The following CCSER1 variants were observed in gnomAD, a reference collection of about 807,000 sequenced individuals.
CCSER1 encodes the protein coiled-coil serine rich protein 1.
In CCSER1, 41 loss-of-function variants were observed where a neutral mutation model predicts 82.0. The observed-to-expected ratio is 0.50, with a 90% CI of 0.39 to 0.65. The LOEUF is 0.65. Among genes scored for constraint, CCSER1 ranks in the 30% least tolerant of loss-of-function variants. CCSER1 has a pLI of 0.00. For synonymous variants in CCSER1, 414 were observed against 383.9 expected (o/e 1.08, Z -0.92); for missense variants, 1,119 against 1,064.2 (o/e 1.05, Z -0.72).
chr4:90,796,647 A>G (rs562816606), intron 7 of CCSER1, among the ~76,000 whole-genome samples: 33 of 152,014 alleles, frequency 2.2e-4, no homozygotes, highest in Middle Eastern at 3.4e-3. Flanking sequence ...TCTTAACACC[A>G]CCTTATCTGT....
At chr4:91,059,455 T>TTATATATATATA (rs56706370) in intron 9 of CCSER1, among the ~76,000 whole-genome samples, 53 of 145,808 alleles carry the variant, frequency 3.6e-4, no homozygotes, top group Middle Eastern at 3.6e-3. Flanking sequence ...TTTATTAAGG[T>TTATATATATATA]TATATATATA....
intron 9 of CCSER1, among the ~76,000 whole-genome samples, chr4:90,972,763 A>G (rs1193990799): frequency 6.6e-6 from 1 of 151,736 alleles, no homozygotes; most frequent in Non-Finnish European, 1.5e-5. Flanking sequence ...CTCAAAATAT[A>G]TTATTAAAAT....
chr4:91,469,522 T>G (rs1052038760), intron 10 of CCSER1, among the ~76,000 whole-genome samples: 2 of 152,174 alleles, frequency 1.3e-5, no homozygotes, highest in African/African-American at 4.8e-5. Flanking sequence ...CCCCCTGTTA[T>G]CCTTCACATT....
At chr4:90,427,221 A>T (rs936864899) in intron 4 of CCSER1, among the ~76,000 whole-genome samples, 2 of 151,938 alleles carry the variant, frequency 1.3e-5, no homozygotes, top group African/African-American at 4.8e-5. Context: ...TTTGATTTGT[A>T]ACTAACATTG....
At chr4:90,188,291 TA>T (rs891353551) in intron 1 of CCSER1, among the ~76,000 whole-genome samples, 1 of 151,764 alleles carries the variant, frequency 6.6e-6, no homozygotes, top group Non-Finnish European at 1.5e-5. Context: ...AAGGATTTTT[TA>T]AAAAAATATA....
chr4:90,440,240 A>C (rs1162760887), intron 4 of CCSER1, among the ~76,000 whole-genome samples: 3 of 152,142 alleles, frequency 2.0e-5, no homozygotes, highest in African/African-American at 7.2e-5. Context: ...CCTGGGCTCA[A>C]GGAATCCTCC....
chr4:91,146,982 G>A (rs1280608790), intron 10 of CCSER1, among the ~76,000 whole-genome samples: 1 of 152,112 alleles, frequency 6.6e-6, no homozygotes, highest in Non-Finnish European at 1.5e-5. Flanking sequence ...TCAATTACTG[G>A]CACTGTGCTT....
intron 10 of CCSER1, among the ~76,000 whole-genome samples, chr4:91,191,404 T>C (rs888296528): frequency 3.3e-5 from 5 of 152,184 alleles, no homozygotes; most frequent in African/African-American, 9.6e-5. Flanking sequence ...ATATTGAACA[T>C]GTGTATACTT....
At chr4:91,480,273 G>A (rs1225944311) in intron 10 of CCSER1, among the ~76,000 whole-genome samples, 6 of 152,130 alleles carry the variant, frequency 3.9e-5, no homozygotes, top group Admixed American at 1.3e-4. Flanking sequence ...TGGGATGGCT[G>A]GGTCAAATGG....
chr4:90,751,358 G>A (rs933968190), intron 7 of CCSER1, among the ~76,000 whole-genome samples: 2 of 152,076 alleles, frequency 1.3e-5, no homozygotes, highest in Admixed American at 6.6e-5. Flanking sequence ...TAAAAACAGC[G>A]TAAGTGGTAA....
chr4:90,811,995 C>G (rs201978556), intron 7 of CCSER1, among the ~76,000 whole-genome samples: 1 of 142,778 alleles, frequency 7.0e-6, no homozygotes, highest in Non-Finnish European at 1.5e-5. Flanking sequence ...TATATAAACA[C>G]ATATATATAT....
intron 4 of CCSER1, among the ~76,000 whole-genome samples, chr4:90,405,536 C>G (rs139222260): frequency 0.01 from 1,547 of 152,202 alleles, 17 homozygotes; most frequent in South Asian, 0.03. Flanking sequence ...ATCACAAAAA[C>G]ATCATGACCT....
intron 9 of CCSER1, among the ~76,000 whole-genome samples, chr4:91,007,789 AGTTT>A (rs1378525406): frequency 6.8e-6 from 1 of 146,564 alleles, no homozygotes; most frequent in Non-Finnish European, 1.5e-5. Flanking sequence ...TTTTTGGTTT[AGTTT>A]GTTCTTGTTT....
chr4:91,171,024 G>A (rs1202203425), intron 10 of CCSER1, among the ~76,000 whole-genome samples: 2 of 152,116 alleles, frequency 1.3e-5, no homozygotes, highest in Admixed American at 6.5e-5. Context: ...ATATAAACAT[G>A]CACATGTTGT....
At chr4:91,167,495 TACTTAA>T (rs1170271862) in intron 10 of CCSER1, among the ~76,000 whole-genome samples, 6 of 152,224 alleles carry the variant, frequency 3.9e-5, no homozygotes, top group South Asian at 2.1e-4. Flanking sequence ...AGAATTGCAA[TACTTAA>T]ACTTAAGTGC....
At chr4:90,260,449 T>C (rs1724109806) in intron 1 of CCSER1, among the ~76,000 whole-genome samples, 1 of 152,214 alleles carries the variant, frequency 6.6e-6, no homozygotes, top group African/African-American at 2.4e-5. Flanking sequence ...GTTAGTTGCA[T>C]ATAGGTTTAG....
chr4:90,638,891 A>G (rs1320324461), intron 6 of CCSER1, among the ~76,000 whole-genome samples: 1 of 152,096 alleles, frequency 6.6e-6, no homozygotes, highest in African/African-American at 2.4e-5. Flanking sequence ...GTAGAGATCT[A>G]GGTGTGAATC....
chr4:90,538,264 C>G (rs1005897898), intron 5 of CCSER1, among the ~76,000 whole-genome samples: 40 of 152,030 alleles, frequency 2.6e-4, no homozygotes, highest in Non-Finnish European at 7.4e-5. Context: ...CCTCTTTTCA[C>G]TCATAGTTAT....
intron 1 of CCSER1, among the ~76,000 whole-genome samples, chr4:90,284,924 T>G (rs1729591307): frequency 6.6e-6 from 1 of 152,054 alleles, no homozygotes. Context: ...CCTTGGCAAC[T>G]TTGTCAAAAA....
Sources: gnomAD v4.1 joint callset for allele counts (sites outside exome capture counted in the v4.1 genomes callset) on GRCh38, gnomAD v4.1.1 for gene constraint, MANE v1.5 for transcripts, NCBI Gene and HGNC (gene_info 2026-07-23, HGNC 2026-07-21) for gene names.